GRIK1: variants seen among roughly 807,000 people sequenced by gnomAD.
GRIK1 encodes glutamate receptor ionotropic, kainate 1.
In GRIK1, 69 loss-of-function variants were observed where a neutral mutation model predicts 105.7. The ratio of observed to expected loss-of-function variants is 0.65; its 90% CI spans 0.54 to 0.80. The LOEUF is 0.80. GRIK1 is among the 30% of genes least tolerant of loss of function. The pLI, the probability that GRIK1 is intolerant of heterozygous loss-of-function variation, is 0.00. For synonymous variants in GRIK1, 438 were observed against 431.3 expected (o/e 1.02, Z -0.19); for missense variants, 1,109 against 1,167.3 (o/e 0.95, Z 0.73).
chr21:29,862,757 T>C (rs2068687747), intron 1 of GRIK1, among the ~76,000 whole-genome samples: 1 of 152,224 alleles, frequency 6.6e-6, no homozygotes, highest in Non-Finnish European at 1.5e-5. Flanking sequence ...ATGCTTTTAA[T>C]GAACCCCTTG....
chr21:29,745,379 T>C (rs1408142494), intron 1 of GRIK1, among the ~76,000 whole-genome samples: 1 of 152,238 alleles, frequency 6.6e-6, no homozygotes. Context: ...GAGGGCTCAG[T>C]TAAGCTATGC....
chr21:29,851,341 C>T (rs1798070475), intron 1 of GRIK1, among the ~76,000 whole-genome samples: 1 of 152,174 alleles, frequency 6.6e-6, no homozygotes, highest in African/African-American at 2.4e-5. Flanking sequence ...AGGCATGAGC[C>T]ACATCCCCCG....
intron 7 of GRIK1, among the ~76,000 whole-genome samples, chr21:29,635,608 G>C (rs2062381969): frequency 6.6e-6 from 1 of 152,216 alleles, no homozygotes; most frequent in African/African-American, 2.4e-5. Context: ...AGTGACAAAA[G>C]AGTGCTAACC....
chr21:29,898,732 T>G (rs2070271485), intron 1 of GRIK1, among the ~76,000 whole-genome samples: 1 of 152,260 alleles, frequency 6.6e-6, no homozygotes, highest in African/African-American at 2.4e-5. Context: ...AGCATACTTT[T>G]CTTATAGAAT....
chr21:29,936,050 C>T (rs2071738794), intron 1 of GRIK1, among the ~76,000 whole-genome samples: 1 of 152,186 alleles, frequency 6.6e-6, no homozygotes, highest in Non-Finnish European at 1.5e-5. Flanking sequence ...AGTTTTAATT[C>T]AATTTATCAG....
chr21:29,797,153 G>A (rs1445098548), intron 1 of GRIK1, among the ~76,000 whole-genome samples: 1 of 152,058 alleles, frequency 6.6e-6, no homozygotes, highest in Non-Finnish European at 1.5e-5. Context: ...GAGGAATGAA[G>A]CTCAGAGATA....
At chr21:29,661,869 C>G (rs1024842431) in intron 4 of GRIK1, among the ~76,000 whole-genome samples, 3 of 152,164 alleles carry the variant, frequency 2.0e-5, no homozygotes, top group African/African-American at 7.2e-5. Context: ...CTGTTTCCCT[C>G]CATTCACTTA....
intron 11 of GRIK1, 95 bp downstream of exon 11, chr21:29,588,744 T>C: frequency 2.6e-6 from 2 of 777,088 alleles, no homozygotes; most frequent in Non-Finnish European, 4.3e-6. Context: ...ATTGTTACGA[T>C]TCAAAAAAAG....
At chr21:29,570,601 C>T (rs187087637) in intron 14 of GRIK1, among the ~76,000 whole-genome samples, 2 of 152,192 alleles carry the variant, frequency 1.3e-5, no homozygotes, top group Admixed American at 1.3e-4. Context: ...TGATGCCGAT[C>T]GCCTCATATT....
chr21:29,680,746 T>G (rs2063356364), intron 3 of GRIK1, among the ~76,000 whole-genome samples: 1 of 152,262 alleles, frequency 6.6e-6, no homozygotes, highest in Non-Finnish European at 1.5e-5. Context: ...TCTCTTACTG[T>G]GCCTAACTTA....
intron 1 of GRIK1, among the ~76,000 whole-genome samples, chr21:29,722,019 A>AAATT (rs1312977063): frequency 3.9e-5 from 6 of 152,210 alleles, no homozygotes; most frequent in African/African-American, 1.4e-4. Flanking sequence ...GAAAGGAAGA[A>AAATT]AATTCTTATT....
At chr21:29,659,088 G>A (rs2062911192) in intron 4 of GRIK1, among the ~76,000 whole-genome samples, 1 of 152,134 alleles carries the variant, frequency 6.6e-6, no homozygotes, top group South Asian at 2.1e-4. Flanking sequence ...ATGTGCTAAT[G>A]TCATCCAGCT....
chr21:29,924,402 A>G (rs1370875593), intron 1 of GRIK1, among the ~76,000 whole-genome samples: 1 of 152,030 alleles, frequency 6.6e-6, no homozygotes, highest in African/African-American at 2.4e-5. Flanking sequence ...GAAGTGATGA[A>G]CAGATATATA....
intron 12 of GRIK1, among the ~76,000 whole-genome samples, chr21:29,583,023 C>A (rs2091055108): frequency 6.6e-6 from 1 of 152,042 alleles, no homozygotes; most frequent in Non-Finnish European, 1.5e-5. Context: ...ATTTTCTAAA[C>A]CTCCAGACAC....
chr21:29,785,168 C>T (rs1314362232), intron 1 of GRIK1, among the ~76,000 whole-genome samples: 1 of 152,144 alleles, frequency 6.6e-6, no homozygotes, highest in East Asian at 1.9e-4. Flanking sequence ...AGAAGTATCA[C>T]CATTTTATAA....
At chr21:29,674,941 A>C (rs927659812) in intron 3 of GRIK1, among the ~76,000 whole-genome samples, 2 of 152,176 alleles carry the variant, frequency 1.3e-5, no homozygotes, top group Non-Finnish European at 2.9e-5. Flanking sequence ...TCCCTCAGGT[A>C]CTTATAATCA....
At chr21:29,613,029 C>T (rs1226225026) in intron 7 of GRIK1, among the ~76,000 whole-genome samples, 3 of 152,170 alleles carry the variant, frequency 2.0e-5, no homozygotes, top group South Asian at 2.1e-4. Context: ...AGCTGGGTGC[C>T]TCTTTGCAAG....
intron 1 of GRIK1, among the ~76,000 whole-genome samples, chr21:29,825,287 G>C (rs905107540): frequency 6.6e-6 from 1 of 152,004 alleles, no homozygotes; most frequent in Non-Finnish European, 1.5e-5. Context: ...GTATTTCTAA[G>C]TTTTAAAACA....
intron 1 of GRIK1, among the ~76,000 whole-genome samples, chr21:29,930,283 A>C (rs962082913): frequency 6.6e-6 from 1 of 152,190 alleles, no homozygotes; most frequent in African/African-American, 2.4e-5. Context: ...CATCTCATAC[A>C]GTATAAACAC....
Sources: allele counts gnomAD v4.1 joint callset (sites outside exome capture counted in the v4.1 genomes callset), GRCh38; gene constraint gnomAD v4.1.1; transcripts MANE v1.5; gene names NCBI Gene and HGNC (gene_info 2026-07-23, HGNC 2026-07-21).